The following MAST4 variants were observed in gnomAD, a reference collection of about 807,000 sequenced individuals.
MAST4 encodes microtubule associated serine/threonine kinase family member 4.
In MAST4, 89 loss-of-function variants were observed where a neutral mutation model predicts 162.7. The observed-to-expected ratio is 0.55, with a 90% CI of 0.46 to 0.65. The LOEUF is 0.65. MAST4 is among the 30% of genes least tolerant of loss of function. The pLI is 0.00. For synonymous variants in MAST4, 1,479 were observed against 1,361.1 expected, an observed-to-expected ratio of 1.09 and a Z score of -1.91; for missense variants, 3,153 against 3,374.0, an observed-to-expected ratio of 0.93 and a Z score of 1.62.
At chr5:66,948,732 T>A (rs1744325799) in intron 4 of MAST4, among the ~76,000 whole-genome samples, 1 of 152,146 alleles carries the variant, frequency 6.6e-6, no homozygotes, top group African/African-American at 2.4e-5. Context: ...AATGGGTAAA[T>A]AAGCCATCTG....
intron 5 of MAST4, among the ~76,000 whole-genome samples, chr5:67,055,788 C>A (rs927057507): frequency 3.3e-5 from 5 of 151,998 alleles, no homozygotes; most frequent in African/African-American, 7.2e-5. Context: ...TTTGAAGTAA[C>A]CTAACGATCT....
At chr5:67,022,613 A>G (rs1581231595) in intron 4 of MAST4, among the ~76,000 whole-genome samples, 1 of 152,172 alleles carries the variant, frequency 6.6e-6, no homozygotes, top group Non-Finnish European at 1.5e-5. Flanking sequence ...TTTCATTACT[A>G]CTATGAACCT....
intron 1 of MAST4, among the ~76,000 whole-genome samples, chr5:66,721,891 A>G (rs1424892615): frequency 6.6e-6 from 1 of 151,968 alleles, no homozygotes; most frequent in Non-Finnish European, 1.5e-5. Context: ...TATACTCCGT[A>G]TCTAGGCTAT....
chr5:66,624,370 G>A (rs1744284971), intron 1 of MAST4, among the ~76,000 whole-genome samples: 1 of 151,798 alleles, frequency 6.6e-6, no homozygotes, highest in South Asian at 2.1e-4. Context: ...AGTCAGGATG[G>A]TCTCAATCTC....
intron 4 of MAST4, among the ~76,000 whole-genome samples, chr5:66,920,364 G>A (rs1426952150): frequency 1.3e-5 from 2 of 152,202 alleles, no homozygotes; most frequent in African/African-American, 2.4e-5. Flanking sequence ...ATGTGTATCT[G>A]TGTAAATTCC....
intron 5 of MAST4, among the ~76,000 whole-genome samples, chr5:67,082,147 CTTT>C (rs60811351): frequency 4.0e-5 from 5 of 125,774 alleles, no homozygotes; most frequent in Admixed American, 8.2e-5. Context: ...TACCTGTAAT[CTTT>C]TTTTTTTTTT....
intron 1 of MAST4, among the ~76,000 whole-genome samples, chr5:66,674,071 G>A (rs926961519): frequency 2.0e-5 from 3 of 152,146 alleles, no homozygotes; most frequent in Admixed American, 6.5e-5. Context: ...TACATAATGC[G>A]AAAGTTAAAA....
intron 1 of MAST4, among the ~76,000 whole-genome samples, chr5:66,634,514 A>T (rs1311428406): frequency 1.3e-5 from 2 of 152,142 alleles, no homozygotes; most frequent in Non-Finnish European, 2.9e-5. Flanking sequence ...AAAAAAATTA[A>T]ATTCAGTCTT....
intron 5 of MAST4, among the ~76,000 whole-genome samples, chr5:67,078,839 T>C (rs1762070367): frequency 8.4e-6 from 1 of 118,962 alleles, no homozygotes; most frequent in Non-Finnish European, 1.6e-5. Flanking sequence ...TTTATATATT[T>C]AAATATATTT....
At chr5:66,994,157 A>G (rs1194001477) in intron 4 of MAST4, among the ~76,000 whole-genome samples, 1 of 152,118 alleles carries the variant, frequency 6.6e-6, no homozygotes. Flanking sequence ...TACCGCATTA[A>G]TCTACACAAG....
At chr5:67,129,727 AAAAAAAAAGAAAAAGG>A (rs921683252) in intron 14 of MAST4, among the ~76,000 whole-genome samples, 2 of 1,604 alleles carry the variant, frequency 1.2e-3, no homozygotes, top group African/African-American at 5.8e-3. Context: ...CCATCTCAAA[AAAAAAAAAGAAAAAGG>A]AAAAAAAAGA....
intron 4 of MAST4, among the ~76,000 whole-genome samples, chr5:66,939,460 A>G (rs898933923): frequency 1.3e-5 from 2 of 152,140 alleles, no homozygotes; most frequent in Admixed American, 1.3e-4. Context: ...GTGATATCTC[A>G]TTGTTAATTT....
intron 4 of MAST4, among the ~76,000 whole-genome samples, chr5:66,990,152 A>G (rs1749912647): frequency 6.6e-6 from 1 of 152,198 alleles, no homozygotes; most frequent in Non-Finnish European, 1.5e-5. Context: ...CCTCTTTAAA[A>G]ATGTATATGG....
chr5:66,656,452 G>A (rs1182461421), intron 1 of MAST4, among the ~76,000 whole-genome samples: 1 of 152,120 alleles, frequency 6.6e-6, no homozygotes, highest in East Asian at 1.9e-4. Flanking sequence ...TAGCTTCCCT[G>A]GGTATATTAA....
chr5:66,852,812 A>C (rs1759409857), intron 3 of MAST4, among the ~76,000 whole-genome samples: 1 of 152,244 alleles, frequency 6.6e-6, no homozygotes, highest in African/African-American at 2.4e-5. Context: ...TCCTAATGAA[A>C]TGTAAACTAT....
At chr5:66,964,678 T>C (rs1485788011) in intron 4 of MAST4, among the ~76,000 whole-genome samples, 1 of 152,114 alleles carries the variant, frequency 6.6e-6, no homozygotes, top group Non-Finnish European at 1.5e-5. Context: ...GTGGGCGCCT[T>C]AGTCCCAGCT....
intron 1 of MAST4, among the ~76,000 whole-genome samples, chr5:66,722,453 GT>G (rs56786188): frequency 1.1e-3 from 162 of 141,862 alleles, no homozygotes; most frequent in East Asian, 0.01. Context: ...CTGGTTCTGG[GT>G]TTTTTTTTTT....
At chr5:66,992,377 G>T (rs7713601) in intron 4 of MAST4, among the ~76,000 whole-genome samples, 3,021 of 152,228 alleles carry the variant, frequency 0.02, 108 homozygotes, top group African/African-American at 0.07. Flanking sequence ...CTAATGAAAA[G>T]AATTAGGGAG....
At chr5:66,822,090 T>C (rs989800754) in intron 3 of MAST4, among the ~76,000 whole-genome samples, 12 of 152,156 alleles carry the variant, frequency 7.9e-5, no homozygotes, top group African/African-American at 2.7e-4. Flanking sequence ...AAACCAGAGC[T>C]CAAGGAAGTT....
Sources: allele counts gnomAD v4.1 joint callset (sites outside exome capture counted in the v4.1 genomes callset), GRCh38; gene constraint gnomAD v4.1.1; transcripts MANE v1.5; gene names NCBI Gene and HGNC (gene_info 2026-07-23, HGNC 2026-07-21).